Variants in MAST4 observed in about 807,000 individuals in gnomAD.
The protein encoded by MAST4 is microtubule associated serine/threonine kinase family member 4.
A neutral mutation model predicts 162.7 loss-of-function variants in MAST4; 89 were observed. The ratio of observed to expected loss-of-function variants is 0.55; its 90% CI spans 0.46 to 0.65. The LOEUF is 0.65. Among genes scored for constraint, MAST4 ranks in the 30% least tolerant of loss-of-function variants. MAST4 has a pLI of 0.00. For missense variants in MAST4, 3,153 were observed against 3,374.0 expected, an observed-to-expected ratio of 0.93 and a Z score of 1.62; for synonymous variants, 1,479 against 1,361.1, an observed-to-expected ratio of 1.09 and a Z score of -1.91.
At chr5:66,921,819 T>C (rs1764560503) in intron 4 of MAST4, among the ~76,000 whole-genome samples, 1 of 152,238 alleles carries the variant, frequency 6.6e-6, no homozygotes, top group Non-Finnish European at 1.5e-5. Context: ...GTAAGACTTG[T>C]AAAGTTTGCA....
At chr5:66,843,025 G>C (rs918046506) in intron 3 of MAST4, among the ~76,000 whole-genome samples, 1 of 152,020 alleles carries the variant, frequency 6.6e-6, no homozygotes, top group African/African-American at 2.4e-5. Context: ...GAACTCCTCC[G>C]TGTGTCTGTA....
At chr5:66,705,678 G>T (rs956587425) in intron 1 of MAST4, among the ~76,000 whole-genome samples, 12 of 151,720 alleles carry the variant, frequency 7.9e-5, no homozygotes, top group Non-Finnish European at 1.5e-4. Flanking sequence ...AGCACTCAAA[G>T]CTTCATGATT....
chr5:66,643,219 G>A (rs1016533584), intron 1 of MAST4, among the ~76,000 whole-genome samples: 1 of 152,134 alleles, frequency 6.6e-6, no homozygotes, highest in Non-Finnish European at 1.5e-5. Context: ...CCCATAAAAT[G>A]TCGGGAACCA....
In MAST4 at chr5:67,163,174, C is replaced by G; in HGVS notation, c.3995C>G (p.Pro1332Arg). ...SGTNSSQSSSPSSSAPNSPAG... is the reference protein window; with the variant it reads ...SGTNSSQSSSRSSSAPNSPAG... ...ACTAATTCCTCCCAGAGCAGCTCCC[C>G]TAGTTCTAGTGCCCCCAATTCCCCA... Residue 1332 changes from proline (P) to arginine (R), a missense_variant, in exon 29 of 29, where the codon CCT becomes CGT. By Grantham distance (103) the Pro-to-Arg change is moderately radical. This residue lies in a region of MAST4 where 619 missense variants were observed against 744.2 expected (regional missense o/e 0.83). Coordinates refer to ENST00000403625, the MANE Select transcript of MAST4 (RefSeq NM_001164664.2). The surrounding 1 kb of genome is among the most constrained non-coding windows in gnomAD (Gnocchi z 7.0). 1 of 1,610,100 alleles carries G rather than the reference C, an allele frequency of 6.2e-7. No homozygotes were observed. The highest frequency in any genetic ancestry group is 8.5e-7 in the Non-Finnish European group (1 of 1,176,774).
chr5:66,962,704 GAAC>G (rs112715329), intron 4 of MAST4, among the ~76,000 whole-genome samples: 5 of 151,888 alleles, frequency 3.3e-5, no homozygotes, highest in Non-Finnish European at 7.4e-5. Context: ...GTCTCAAAAA[GAAC>G]AACAACAACA....
chr5:66,761,145 TTA>T (rs1753831936), intron 2 of MAST4, among the ~76,000 whole-genome samples: 1 of 152,192 alleles, frequency 6.6e-6, no homozygotes, highest in Admixed American at 6.5e-5. Context: ...TGGGTTTCAT[TTA>T]TGTTTCCTTG....
chr5:66,627,484 C>T (rs191346680), intron 1 of MAST4, among the ~76,000 whole-genome samples: 15 of 152,262 alleles, frequency 9.9e-5, no homozygotes, highest in African/African-American at 3.1e-4. Context: ...GAAAGGAAGG[C>T]AAGACTGAGA....
intron 8 of MAST4, 98 bp from the exon 9 acceptor site, chr5:67,102,438 G>T: frequency 9.5e-7 from 1 of 1,050,842 alleles, no homozygotes; most frequent in Non-Finnish European, 1.5e-6. Context: ...TACAAAGGTT[G>T]CATAGTACTT....
chr5:67,103,292 G>A (rs1056841123), intron 9 of MAST4, among the ~76,000 whole-genome samples: 7 of 152,108 alleles, frequency 4.6e-5, no homozygotes, highest in African/African-American at 7.2e-5. Flanking sequence ...CCCTCTCCAC[G>A]TTTTTCCGAT....
At chr5:67,068,387 T>C (rs1052510036) in intron 5 of MAST4, among the ~76,000 whole-genome samples, 1 of 152,086 alleles carries the variant, frequency 6.6e-6, no homozygotes, top group South Asian at 2.1e-4. Context: ...AAAGGTACCT[T>C]ATTCACAGGG....
intron 4 of MAST4, chr5:66,959,419 A>G: frequency 1.4e-6 from 1 of 710,214 alleles, no homozygotes; most frequent in Non-Finnish European, 2.6e-6. Context: ...AGGTGGAGGA[A>G]CATGTCTTAA....
intron 1 of MAST4, among the ~76,000 whole-genome samples, chr5:66,716,019 A>G (rs1198719152): frequency 6.6e-6 from 1 of 152,164 alleles, no homozygotes; most frequent in African/African-American, 2.4e-5. Flanking sequence ...TTTAATTTTC[A>G]TAACTATTTT....
chr5:66,940,425 A>G (rs527411144), intron 4 of MAST4, among the ~76,000 whole-genome samples: 136 of 152,302 alleles, frequency 8.9e-4, no homozygotes, highest in African/African-American at 3.1e-3. Flanking sequence ...AGCCTTCTCA[A>G]ACCCTGCTAT....
chr5:66,948,738 A>C (rs992978148), intron 4 of MAST4, among the ~76,000 whole-genome samples: 1 of 152,184 alleles, frequency 6.6e-6, no homozygotes, highest in Non-Finnish European at 1.5e-5. Context: ...TAAATAAGCC[A>C]TCTGGAAATA....
intron 1 of MAST4, among the ~76,000 whole-genome samples, chr5:66,712,769 T>C (rs1163591022): frequency 6.6e-6 from 1 of 152,176 alleles, no homozygotes; most frequent in Non-Finnish European, 1.5e-5. Flanking sequence ...ATAAACCCAC[T>C]AGTATGTCTT....
intron 2 of MAST4, 66 bp from the exon 3 acceptor site, chr5:66,788,604 C>CCCCCAA: frequency 7.5e-7 from 1 of 1,337,756 alleles, no homozygotes; most frequent in Non-Finnish European, 1.0e-6. Context: ...CCACCCCCAC[C>CCCCCAA]CCCATTGCAA....
chr5:66,733,233 C>T (rs1242319442), intron 1 of MAST4, among the ~76,000 whole-genome samples: 1 of 152,060 alleles, frequency 6.6e-6, no homozygotes, highest in Non-Finnish European at 1.5e-5. Flanking sequence ...CTCCCTGTCT[C>T]CTCCCTCCAA....
chr5:66,907,614 G>GTGTC (rs1554066837), intron 4 of MAST4, among the ~76,000 whole-genome samples: 9 of 151,024 alleles, frequency 6.0e-5, no homozygotes, highest in Admixed American at 4.0e-4. Flanking sequence ...GTGTGTGTGT[G>GTGTC]TGTGTGTGTG....
intron 2 of MAST4, among the ~76,000 whole-genome samples, chr5:66,760,273 G>A (rs887251520): frequency 4.6e-5 from 7 of 151,518 alleles, no homozygotes; most frequent in African/African-American, 7.3e-5. Flanking sequence ...ACACCACCAC[G>A]CCCAGCTAAT....
Sources: gnomAD v4.1 joint callset for allele counts (sites outside exome capture counted in the v4.1 genomes callset) on GRCh38, gnomAD v4.1.1 for gene constraint, gnomAD v4.1.1 regional missense constraint, Gnocchi (gnomAD v3.1) non-coding constraint, MANE v1.5 for transcripts, NCBI Gene and HGNC (gene_info 2026-07-23, HGNC 2026-07-21) for gene names.